SPAG16: variants seen among roughly 807,000 people sequenced by gnomAD.
SPAG16 encodes sperm associated antigen 16, also known as sperm-associated antigen 16 protein.
Under a neutral mutation model 80.4 loss-of-function variants are expected in SPAG16, and 86 were observed. The ratio of observed to expected loss-of-function variants is 1.07; its 90% confidence interval spans 0.90 to 1.28. The LOEUF (loss-of-function observed/expected upper bound fraction) is 1.28, where lower values mean the gene tolerates loss of function less well. Ranked by LOEUF, SPAG16 falls within the 50% of genes most tolerant of loss-of-function variation. The pLI, the probability that SPAG16 is intolerant of heterozygous loss-of-function variation, is 0.00. For missense variants in SPAG16, 870 were observed against 765.3 expected, an observed-to-expected ratio of 1.14 and a Z score of -1.61; for synonymous variants, 294 against 265.9, an observed-to-expected ratio of 1.11 and a Z score of -1.03.
chr2:213,434,881 C>A (rs1333970770), intron 9 of SPAG16, among the ~76,000 whole-genome samples: 1 of 152,060 alleles, frequency 6.6e-6, no homozygotes, highest in African/African-American at 2.4e-5. Context: ...TTAATACAAC[C>A]ACTATGAAAA....
chr2:214,363,772 G>A (rs1444470050), intron 15 of SPAG16, among the ~76,000 whole-genome samples: 1 of 152,008 alleles, frequency 6.6e-6, no homozygotes, highest in East Asian at 1.9e-4. Flanking sequence ...AGGTAATAGG[G>A]GTTACAGAAG....
At chr2:213,683,652 T>C (rs546991258) in intron 10 of SPAG16, among the ~76,000 whole-genome samples, 1 of 152,322 alleles carries the variant, frequency 6.6e-6, no homozygotes, top group South Asian at 2.1e-4. Context: ...TCTGTTCTTA[T>C]ATATTTTTTT....
chr2:214,024,687 A>T (rs2048044886), intron 13 of SPAG16, among the ~76,000 whole-genome samples: 1 of 151,780 alleles, frequency 6.6e-6, no homozygotes, highest in African/African-American at 2.4e-5. Context: ...TAGAAGGTTG[A>T]TAGAGAGCTA....
At chr2:213,523,289 C>T (rs1230719610) in intron 10 of SPAG16, among the ~76,000 whole-genome samples, 1 of 152,186 alleles carries the variant, frequency 6.6e-6, no homozygotes, top group Non-Finnish European at 1.5e-5. Flanking sequence ...GTGTTTGCTT[C>T]CGCTTCCACC....
chr2:213,635,667 G>T (rs1200670580), intron 10 of SPAG16, among the ~76,000 whole-genome samples: 1 of 152,008 alleles, frequency 6.6e-6, no homozygotes, highest in African/African-American at 2.4e-5. Context: ...GATGATTAGT[G>T]ATGTTAAGAA....
chr2:214,073,074 G>C (rs2050875229), intron 13 of SPAG16, among the ~76,000 whole-genome samples: 1 of 151,896 alleles, frequency 6.6e-6, no homozygotes, highest in Non-Finnish European at 1.5e-5. Flanking sequence ...AAGATACCTT[G>C]CAGTCCTATA....
chr2:214,107,105 A>G (rs1468774546), intron 13 of SPAG16, among the ~76,000 whole-genome samples: 1 of 152,098 alleles, frequency 6.6e-6, no homozygotes, highest in Non-Finnish European at 1.5e-5. Context: ...TCTACTTGAT[A>G]ATGTGATTTC....
At chr2:213,980,548 A>C (rs1575718104) in intron 12 of SPAG16, among the ~76,000 whole-genome samples, 1 of 143,362 alleles carries the variant, frequency 7.0e-6, no homozygotes, top group Non-Finnish European at 1.5e-5. Flanking sequence ...TATAATATAT[A>C]TAGAATATAT....
intron 12 of SPAG16, among the ~76,000 whole-genome samples, chr2:213,975,576 T>C (rs2045327626): frequency 1.3e-5 from 2 of 151,216 alleles, no homozygotes; most frequent in Admixed American, 6.6e-5. Flanking sequence ...TTAAGTAAAA[T>C]AGAAAAGAAA....
At chr2:214,128,725 A>G (rs2054612955) in intron 14 of SPAG16, among the ~76,000 whole-genome samples, 1 of 151,862 alleles carries the variant, frequency 6.6e-6, no homozygotes, top group Non-Finnish European at 1.5e-5. Context: ...TAATATGGTG[A>G]TATTACCTAG....
intron 10 of SPAG16, among the ~76,000 whole-genome samples, chr2:213,666,063 A>G (rs192222437): frequency 3.9e-5 from 6 of 152,304 alleles, no homozygotes; most frequent in Non-Finnish European, 8.8e-5. Context: ...ATTGATTTGG[A>G]GATTACAAAA....
At chr2:214,205,018 C>T (rs2058102235) in intron 15 of SPAG16, among the ~76,000 whole-genome samples, 1 of 152,106 alleles carries the variant, frequency 6.6e-6, no homozygotes, top group Non-Finnish European at 1.5e-5. Flanking sequence ...CACTTGAGAC[C>T]AGGAGTTTGA....
At chr2:213,470,098 C>G (rs1384661441) in intron 9 of SPAG16, among the ~76,000 whole-genome samples, 1 of 152,128 alleles carries the variant, frequency 6.6e-6, no homozygotes, top group African/African-American at 2.4e-5. Context: ...ATGGGAGAAA[C>G]AGTACCATAT....
chr2:213,851,891 G>T (rs192111930), intron 10 of SPAG16, among the ~76,000 whole-genome samples: 2 of 152,296 alleles, frequency 1.3e-5, no homozygotes, highest in East Asian at 3.9e-4. Context: ...AGATCCTAAT[G>T]ATGTAAGTCC....
At chr2:213,913,593 AT>A (rs2077790219) in intron 11 of SPAG16, among the ~76,000 whole-genome samples, 1 of 6,504 alleles carries the variant, frequency 1.5e-4, no homozygotes, top group African/African-American at 2.2e-4. Context: ...ATGTACATAT[AT>A]GTATATGTAC....
chr2:213,906,700 G>C (rs1448758778), intron 11 of SPAG16, among the ~76,000 whole-genome samples: 2 of 152,126 alleles, frequency 1.3e-5, no homozygotes, highest in African/African-American at 4.8e-5. Flanking sequence ...AGAGAGCCTG[G>C]AAATTAATCC....
chr2:213,325,427 A>G (rs1008270432), intron 5 of SPAG16, among the ~76,000 whole-genome samples: 1 of 152,000 alleles, frequency 6.6e-6, no homozygotes, highest in South Asian at 2.1e-4. Flanking sequence ...TTTCTTTACT[A>G]TAGGAATACA....
rs10622953 is a variant in SPAG16 at position 214,177,916 on chromosome 2, C to CAT, written c.1720+28667_1720+28668dup. ...ATATATATACATATATATATATATA[C>CAT]ATATATATATATATATATGGCCAGA... On this transcript the variant is annotated intron_variant, in intron 15 of 15. Transcript: ENST00000331683. Among the ~76,000 whole-genome samples, 282 of 92,190 alleles carry CAT rather than the reference C, an allele frequency of 3.1e-3. 9 individuals carry two copies. Among genetic ancestry groups the CAT allele is most frequent in the Non-Finnish European group, 4.1e-3 (199 of 48,280 alleles). 60.5% of individuals were successfully genotyped at this position (92,190 alleles called of 152,430 possible).
intron 14 of SPAG16, among the ~76,000 whole-genome samples, chr2:214,116,254 G>T (rs1369219717): frequency 6.6e-6 from 1 of 152,216 alleles, no homozygotes; most frequent in African/African-American, 2.4e-5. Context: ...ACTGAAAGTT[G>T]TTCTTTGGCT....
Sources: gnomAD v4.1 joint callset for allele counts (sites outside exome capture counted in the v4.1 genomes callset) on GRCh38, gnomAD v4.1.1 for gene constraint, MANE v1.5 for transcripts, NCBI Gene and HGNC (gene_info 2026-07-23, HGNC 2026-07-21) for gene names.